The following PDE10A variants were observed in gnomAD, a reference collection of about 807,000 sequenced individuals.
PDE10A encodes cAMP and cAMP-inhibited cGMP 3',5'-cyclic phosphodiesterase 10A.
PDE10A carries 39 observed loss-of-function variants against 97.7 expected under a neutral mutation model. That is an observed-to-expected ratio of 0.40 (90% confidence interval 0.31 to 0.52). The LOEUF (loss-of-function observed/expected upper bound fraction) is 0.52. PDE10A is among the 20% of genes least tolerant of loss of function. The pLI, the probability that PDE10A is intolerant of heterozygous loss-of-function variation, is 0.56. For synonymous variants in PDE10A, 371 were observed against 376.8 expected (o/e 0.98, Z 0.18); for missense variants, 731 against 1,047.8 (o/e 0.70, Z 4.17).
At chr6:165,541,600 T>C (rs1378097699) in intron 2 of PDE10A, among the ~76,000 whole-genome samples, 1 of 152,238 alleles carries the variant, frequency 6.6e-6, no homozygotes, top group African/African-American at 2.4e-5. Context: ...TCCCTCATTA[T>C]ATAGCAAGCT....
chr6:165,815,997 T>C (rs1346797284), intron 1 of PDE10A, among the ~76,000 whole-genome samples: 1 of 151,934 alleles, frequency 6.6e-6, no homozygotes, highest in Non-Finnish European at 1.5e-5. Context: ...TCACCCAGGC[T>C]GGAGTGCAGT....
At chr6:165,497,856 A>C (rs1562522463) in intron 2 of PDE10A, among the ~76,000 whole-genome samples, 1 of 152,236 alleles carries the variant, frequency 6.6e-6, no homozygotes, top group East Asian at 1.9e-4. Context: ...ATCATGACAG[A>C]AGAAACAAAT....
intron 1 of PDE10A, among the ~76,000 whole-genome samples, chr6:165,911,764 C>A (rs1782461913): frequency 6.6e-6 from 1 of 152,144 alleles, no homozygotes; most frequent in Non-Finnish European, 1.5e-5. Context: ...CCAGGCCTAC[C>A]CCCAAGAGGG....
intron 10 of PDE10A, among the ~76,000 whole-genome samples, chr6:165,421,698 T>C (rs74833287): frequency 0.03 from 4,503 of 152,214 alleles, 258 homozygotes; most frequent in African/African-American, 0.093. Flanking sequence ...AGAGATAAAA[T>C]TTTTCTTGTT....
At chr6:165,889,901 TCCCTCCTCCCTCC>T (rs1781734034) in intron 1 of PDE10A, among the ~76,000 whole-genome samples, 1 of 37,736 alleles carries the variant, frequency 2.6e-5, no homozygotes, top group African/African-American at 9.3e-5. Flanking sequence ...CCTCCCTCCC[TCCCTCCTCCCTCC>T]CTCACTCCTC....
intron 1 of PDE10A, among the ~76,000 whole-genome samples, chr6:165,974,152 C>T (rs1046985495): frequency 6.6e-6 from 1 of 152,184 alleles, no homozygotes. Context: ...AGTTTTATTT[C>T]TTTACATCTT....
At chr6:165,913,620 C>T (rs1433963243) in intron 1 of PDE10A, among the ~76,000 whole-genome samples, 1 of 152,104 alleles carries the variant, frequency 6.6e-6, no homozygotes. Flanking sequence ...CGTTTATGGA[C>T]CTGACTTCGC....
intron 18 of PDE10A, among the ~76,000 whole-genome samples, chr6:165,363,779 T>C (rs1036297594): frequency 6.6e-6 from 1 of 152,074 alleles, no homozygotes; most frequent in Non-Finnish European, 1.5e-5. Context: ...ACTTACAATA[T>C]TATCAAAACA....
At chr6:165,881,032 A>C (rs1231459319) in intron 1 of PDE10A, among the ~76,000 whole-genome samples, 2 of 152,184 alleles carry the variant, frequency 1.3e-5, no homozygotes, top group African/African-American at 2.4e-5. Flanking sequence ...GTGTTCTTTA[A>C]ACCACACAAA....
At chr6:165,380,887 C>T (rs1205017117) in intron 17 of PDE10A, among the ~76,000 whole-genome samples, 1 of 152,224 alleles carries the variant, frequency 6.6e-6, no homozygotes, top group Non-Finnish European at 1.5e-5. Flanking sequence ...GCAGGTAGCT[C>T]CTGCATCAAC....
At chr6:165,517,544 G>C (rs767685631) in intron 2 of PDE10A, among the ~76,000 whole-genome samples, 1 of 152,048 alleles carries the variant, frequency 6.6e-6, no homozygotes, top group Non-Finnish European at 1.5e-5. Context: ...GATAAATTGT[G>C]GTACATCCAT....
intron 1 of PDE10A, among the ~76,000 whole-genome samples, chr6:165,625,072 TGA>T (rs546529793): frequency 5.5e-4 from 84 of 152,040 alleles, no homozygotes; most frequent in African/African-American, 1.9e-3. Context: ...CTTGACCCAG[TGA>T]GAGAGAGAGT....
chr6:165,750,258 A>G (rs573025448), intron 1 of PDE10A, among the ~76,000 whole-genome samples: 1 of 152,308 alleles, frequency 6.6e-6, no homozygotes, highest in East Asian at 1.9e-4. Context: ...TTTAGGAAGA[A>G]TTAGCTGAGT....
At chr6:165,609,581 G>A (rs1787391862) in intron 1 of PDE10A, among the ~76,000 whole-genome samples, 1 of 152,192 alleles carries the variant, frequency 6.6e-6, no homozygotes, top group African/African-American at 2.4e-5. Context: ...CCTGTTTGCA[G>A]ACGACATGAT....
chr6:165,936,566 C>T (rs1183275143), intron 1 of PDE10A, among the ~76,000 whole-genome samples: 2 of 152,124 alleles, frequency 1.3e-5, no homozygotes, highest in African/African-American at 2.4e-5. Context: ...CTGGCTGTGT[C>T]TATTGTGTGG....
chr6:165,560,318 C>T (rs1001855102), intron 1 of PDE10A, among the ~76,000 whole-genome samples: 1 of 152,058 alleles, frequency 6.6e-6, no homozygotes, highest in Non-Finnish European at 1.5e-5. Flanking sequence ...AAGCTCACAG[C>T]CAGTAAGAAA....
chr6:165,499,658 C>T (rs1404319748), intron 2 of PDE10A, among the ~76,000 whole-genome samples: 1 of 152,120 alleles, frequency 6.6e-6, no homozygotes, highest in South Asian at 2.1e-4. Flanking sequence ...AAACTTTATA[C>T]TTTTATAAAA....
At chr6:165,624,961 G>A (rs1288351169) in intron 1 of PDE10A, among the ~76,000 whole-genome samples, 1 of 152,210 alleles carries the variant, frequency 6.6e-6, no homozygotes, top group Non-Finnish European at 1.5e-5. Context: ...CTGAGCCTCA[G>A]GTATCTGGAG....
chr6:165,887,108 G>A (rs1781650701), intron 1 of PDE10A, among the ~76,000 whole-genome samples: 1 of 152,314 alleles, frequency 6.6e-6, no homozygotes, highest in African/African-American at 2.4e-5. Flanking sequence ...CAATGAATGA[G>A]TTAAACAGCA....
Sources: gnomAD v4.1 joint callset for allele counts (sites outside exome capture counted in the v4.1 genomes callset) on GRCh38, gnomAD v4.1.1 for gene constraint, MANE v1.5 for transcripts, NCBI Gene and HGNC (gene_info 2026-07-23, HGNC 2026-07-21) for gene names.